Variants in GCH1 observed in about 807,000 individuals in gnomAD.
GCH1 encodes GTP cyclohydrolase 1, also known as GTP cyclohydrolase I.
A neutral mutation model predicts 25.9 loss-of-function variants in GCH1; 5 were observed. The observed-to-expected ratio is 0.19, with a 90% CI of 0.10 to 0.41. The LOEUF (loss-of-function observed/expected upper bound fraction) is 0.41, where lower values mean the gene tolerates loss of function less well. Among genes scored for constraint, GCH1 ranks in the 10% least tolerant of loss-of-function variants. The pLI is 1.00. For synonymous variants in GCH1, 159 were observed against 129.6 expected (o/e 1.23, Z -1.54); for missense variants, 261 against 336.5 (o/e 0.78, Z 1.75).
chr14:54,859,636 G>A lies in GCH1; in HGVS notation c.509+45C>T. The A allele has an allele frequency of 2.9e-6, 3 of 1,039,842 alleles. No individual in the cohort carries two copies. The Admixed American group carries it at 5.1e-5, about 18-fold the overall frequency. 64.4% of individuals were successfully genotyped at this position (1,039,842 alleles called of 1,614,324 possible). On this transcript the variant is annotated intron_variant, in intron 3 of 5. Coordinates refer to ENST00000491895, the MANE Select transcript of GCH1 (RefSeq NM_000161.3). ...GATAGATTCTCAGCAGATGAGGGCA[G>A]GTCCTATAAACCTGTATTCTTGTTC...
chr14:54,880,352 A>G (rs2040228213), intron 1 of GCH1, among the ~76,000 whole-genome samples: 1 of 144,954 alleles, frequency 6.9e-6, no homozygotes, highest in Non-Finnish European at 1.5e-5. Context: ...TTCATTAATA[A>G]TATATTATAA....
intron 3 of GCH1, among the ~76,000 whole-genome samples, chr14:54,848,926 G>A (rs1036464570): frequency 6.6e-6 from 1 of 152,190 alleles, no homozygotes; most frequent in African/African-American, 2.4e-5. Flanking sequence ...TTTTTCAGGT[G>A]ATTAGTTTGT....
chr14:54,880,368 A>G (rs1207784253), intron 1 of GCH1, among the ~76,000 whole-genome samples: 1 of 143,844 alleles, frequency 7.0e-6, no homozygotes, highest in Non-Finnish European at 1.5e-5. Flanking sequence ...TATAAAATAT[A>G]TATTTTATAT....
chr14:54,860,568 T>G (rs1594983784), intron 2 of GCH1, among the ~76,000 whole-genome samples: 2 of 139,674 alleles, frequency 1.4e-5, no homozygotes, highest in East Asian at 4.2e-4. Flanking sequence ...TGAGATGGAG[T>G]CTCACTCTGT....
At chr14:54,890,427 G>A (rs2040409105) in intron 1 of GCH1, among the ~76,000 whole-genome samples, 1 of 152,206 alleles carries the variant, frequency 6.6e-6, no homozygotes, top group Non-Finnish European at 1.5e-5. Flanking sequence ...GAACCTGGGA[G>A]GTGGAGGTTG....
At chr14:54,889,907 A>G (rs903738373) in intron 1 of GCH1, among the ~76,000 whole-genome samples, 2 of 152,226 alleles carry the variant, frequency 1.3e-5, no homozygotes, top group Non-Finnish European at 2.9e-5. Flanking sequence ...AAAAATGCCA[A>G]AAAATGTAGC....
intron 1 of GCH1, among the ~76,000 whole-genome samples, chr14:54,895,613 T>C (rs1220585184): frequency 6.6e-6 from 1 of 152,046 alleles, no homozygotes; most frequent in African/African-American, 2.4e-5. Context: ...AATAAAAGAA[T>C]AGTGGAAATA....
Position 54,843,738 on chromosome 14 carries a change from A to G in GCH1, c.*279T>C. ...AATACACTAATTCTTCTCCCTTCCC[A>G]GGCCCCTCTGGTTATCTGGCAGTGG... On this transcript the variant is annotated 3_prime_UTR_variant, in exon 6 of 6. Transcript: ENST00000491895. 6.2e-7 allele frequency: 1 copy of G among 1,613,424 alleles called. No homozygotes were observed.
intron 2 of GCH1, among the ~76,000 whole-genome samples, chr14:54,865,062 G>A (rs1017237093): frequency 2.6e-5 from 4 of 151,166 alleles, no homozygotes; most frequent in Non-Finnish European, 4.4e-5. Context: ...AAAAGAGAGA[G>A]AGAGATGCTA....
intron 1 of GCH1, among the ~76,000 whole-genome samples, chr14:54,895,599 T>C (rs770351518): frequency 6.6e-6 from 1 of 152,110 alleles, no homozygotes. Context: ...AAGTGTAGGT[T>C]CTGAATAAAA....
chr14:54,886,246 C>A (rs1318613878), intron 1 of GCH1: 2 of 152,858 alleles, frequency 1.3e-5, no homozygotes, highest in Admixed American at 6.5e-5. Flanking sequence ...CCTGCTTGGA[C>A]AGCATTTTTC....
intron 1 of GCH1, among the ~76,000 whole-genome samples, chr14:54,881,691 C>A (rs970513531): frequency 6.6e-6 from 1 of 152,180 alleles, no homozygotes; most frequent in African/African-American, 2.4e-5. Context: ...TGATATGCTC[C>A]ACAAACTTAT....
At chr14:54,869,212 T>G (rs899296430) in intron 1 of GCH1, among the ~76,000 whole-genome samples, 2 of 151,530 alleles carry the variant, frequency 1.3e-5, no homozygotes, top group African/African-American at 2.4e-5. Context: ...CTAATTTTTT[T>G]GTATTTTTAG....
chr14:54,862,744 C>T (rs1011333899), intron 2 of GCH1, among the ~76,000 whole-genome samples: 4 of 151,494 alleles, frequency 2.6e-5, no homozygotes, highest in African/African-American at 7.3e-5. Flanking sequence ...CGTAAGCCAC[C>T]GTGCCCAGCC....
rs115474985 is a variant in GCH1, at chr14:54,846,436, C to T, written c.542-584G>A. On this transcript the variant is annotated intron_variant, in intron 4 of 5. Transcript: ENST00000491895. The stretch of plus-strand genomic sequence containing the variant: ...AGGTTACGCCAAGCCATGGCATATA[C>T]GGTAGGATTCTAGACAGCCACCAGA... Among the ~76,000 whole-genome samples, 774 of 152,138 alleles carry T rather than the reference C, an allele frequency of 5.1e-3. 3 individuals carry two copies. The highest frequency in any genetic ancestry group is 0.018 in the African/African-American group (734 of 41,504).
At chr14:54,856,132 C>T (rs2039807950) in intron 3 of GCH1, among the ~76,000 whole-genome samples, 1 of 152,238 alleles carries the variant, frequency 6.6e-6, no homozygotes, top group African/African-American at 2.4e-5. Flanking sequence ...TGCTCCTACC[C>T]TCTGACTGGT....
At chr14:54,896,227 T>C (rs1226399505) in intron 1 of GCH1, among the ~76,000 whole-genome samples, 3 of 152,192 alleles carry the variant, frequency 2.0e-5, no homozygotes, top group Non-Finnish European at 4.4e-5. Context: ...GAGAAGTATG[T>C]TCTTATCCAA....
At chr14:54,879,483 GAA>G (rs1200265909) in intron 1 of GCH1, among the ~76,000 whole-genome samples, 1 of 141,938 alleles carries the variant, frequency 7.0e-6, no homozygotes, top group Admixed American at 7.1e-5. Context: ...CAAAAATAGA[GAA>G]GAGTGAATCA....
chr14:54,881,400 C>T (rs3783637), intron 1 of GCH1, among the ~76,000 whole-genome samples: 19,285 of 152,064 alleles, frequency 0.13, 1,504 homozygotes, highest in East Asian at 0.42. Context: ...TTTCTACCAC[C>T]TGTTTGAAAA....
Sources: gnomAD v4.1 joint callset for allele counts (sites outside exome capture counted in the v4.1 genomes callset) on GRCh38, gnomAD v4.1.1 for gene constraint, MANE v1.5 for transcripts, NCBI Gene and HGNC (gene_info 2026-07-23, HGNC 2026-07-21) for gene names.